The following PSMA5 variants were observed in gnomAD, a reference collection of about 807,000 sequenced individuals.
PSMA5 encodes proteasome subunit alpha type-5.
PSMA5 carries 3 observed loss-of-function variants against 34.5 expected under a neutral mutation model. The observed-to-expected ratio is 0.09, with a 90% CI of 0.04 to 0.22. The LOEUF is 0.22. Ranked by LOEUF, PSMA5 falls within the 10% of genes least tolerant of loss-of-function variation. The pLI, the probability that PSMA5 is intolerant of heterozygous loss-of-function variation, is 1.00. For missense variants in PSMA5, 120 were observed against 286.1 expected (o/e 0.42, Z 4.19); for synonymous variants, 88 against 95.8 (o/e 0.92, Z 0.47).
In PSMA5 at chr1:109,412,852, G is replaced by T. The variant is rs181229271; in HGVS notation, c.291+216C>A. ...AAGCCAAAAAAAAAAGGAAGACACT[G>T]TCAGCACTACTGACCAGAGCCTCTT... On this transcript the variant is annotated intron_variant, in intron 4 of 8. Coordinates refer to ENST00000271308, the MANE Select transcript of PSMA5 (RefSeq NM_002790.4). 4.5e-5 allele frequency: 20 copies of T among 445,290 alleles called. No homozygotes were observed. In the East Asian group the frequency reaches 7.2e-4, roughly 16 times the overall value. The allele number at this position is 445,290 out of a possible 1,614,324, so 27.6% of individuals were successfully genotyped here.
chr1:109,424,859 C>T (rs1043483476), intron 1 of PSMA5, among the ~76,000 whole-genome samples: 14 of 152,292 alleles, frequency 9.2e-5, no homozygotes, highest in African/African-American at 2.6e-4. Flanking sequence ...TGGTGGCGCG[C>T]GCCTGTAGTC....
intron 1 of PSMA5, among the ~76,000 whole-genome samples, chr1:109,424,503 C>A (rs1420838849): frequency 1.3e-5 from 2 of 151,862 alleles, no homozygotes; most frequent in African/African-American, 2.4e-5. Context: ...TCAGGCCGAG[C>A]GAGGTGGCTC....
chr1:109,419,236 T>C (rs1654338943), intron 2 of PSMA5, among the ~76,000 whole-genome samples: 1 of 152,038 alleles, frequency 6.6e-6, no homozygotes, highest in Non-Finnish European at 1.5e-5. Flanking sequence ...TCAAAAAAGA[T>C]GACATGGGGC....
intron 1 of PSMA5, 99 bp from the exon 2 acceptor site, chr1:109,422,025 T>C: frequency 1.5e-6 from 1 of 665,124 alleles, no homozygotes. Flanking sequence ...AGCTACAGAA[T>C]ACGCACATTG....
chr1:109,424,270 C>T (rs1654561841), intron 1 of PSMA5, among the ~76,000 whole-genome samples: 4 of 152,106 alleles, frequency 2.6e-5, no homozygotes, highest in Admixed American at 2.0e-4. Flanking sequence ...ATTTCTGACT[C>T]ACACTATAGT....
chr1:109,402,969 T>C (rs1653598311), intron 8 of PSMA5, among the ~76,000 whole-genome samples: 1 of 152,182 alleles, frequency 6.6e-6, no homozygotes, highest in African/African-American at 2.4e-5. Flanking sequence ...CTTCCCAAAG[T>C]GCTAGGATTA....
chr1:109,423,337 G>A (rs1654523499), intron 1 of PSMA5, among the ~76,000 whole-genome samples: 1 of 152,180 alleles, frequency 6.6e-6, no homozygotes, highest in Admixed American at 6.5e-5. Flanking sequence ...TACTTGAGAG[G>A]CTAAGGCATG....
chr1:109,404,998 A>AG (rs1653689266), intron 8 of PSMA5, among the ~76,000 whole-genome samples: 1 of 152,266 alleles, frequency 6.6e-6, no homozygotes, highest in Non-Finnish European at 1.5e-5. Flanking sequence ...AGTCAAAGAC[A>AG]GGAAGGGCAA....
intron 2 of PSMA5, among the ~76,000 whole-genome samples, chr1:109,418,311 G>C (rs1240549066): frequency 6.6e-6 from 1 of 151,936 alleles, no homozygotes; most frequent in Non-Finnish European, 1.5e-5. Context: ...AATCTGACCA[G>C]TTCAAAAGGA....
chr1:109,411,065 T>A lies in PSMA5; in HGVS notation c.507A>T (p.Ala169=). The change falls in exon 7 of 9, where the codon GCA becomes GCT. Residue 169 remains alanine (A), a synonymous_variant. Transcript: ENST00000271308. ...GGGCACCCTCTGAAGCAGAGCCAAT[T>A]GCTCGAGCATCACACTGTACAAAGG... The part of the protein sequence containing the change: ...SGTFVQCDAR[A]IGSASEGAQS... The A allele has an allele frequency of 6.2e-7, 1 of 1,613,774 alleles. No individual in the cohort carries two copies. Among genetic ancestry groups the A allele is most frequent in the Non-Finnish European group, 8.5e-7 (1 of 1,179,860 alleles).
chr1:109,402,716 T>C (rs1653584568), intron 8 of PSMA5, among the ~76,000 whole-genome samples: 1 of 152,250 alleles, frequency 6.6e-6, no homozygotes, highest in Non-Finnish European at 1.5e-5. Flanking sequence ...GTTTTTGGTT[T>C]TGTTTTGAGA....
At chr1:109,425,362 T>C (rs1233211079) in intron 1 of PSMA5, 1 of 152,202 alleles carries the variant, frequency 6.6e-6, no homozygotes, top group Non-Finnish European at 1.5e-5. Flanking sequence ...GATGATTCTC[T>C]TCAATGTTCT....
intron 8 of PSMA5, among the ~76,000 whole-genome samples, chr1:109,408,127 G>A (rs555859261): frequency 1.3e-5 from 2 of 152,008 alleles, no homozygotes; most frequent in Admixed American, 6.5e-5. Flanking sequence ...ATCTTTACTC[G>A]TCATTACTTC....
chr1:109,424,449 T>C (rs2100977283), intron 1 of PSMA5, among the ~76,000 whole-genome samples: 1 of 152,274 alleles, frequency 6.6e-6, no homozygotes, highest in South Asian at 2.1e-4. Context: ...GTGCTGGAAT[T>C]ACAGGCATGA....
intron 6 of PSMA5, 38 bp downstream of exon 6, chr1:109,411,839 T>G: frequency 6.4e-7 from 1 of 1,564,104 alleles, no homozygotes; most frequent in Non-Finnish European, 8.8e-7. Context: ...AATAATTCCC[T>G]GCAAAAGCAT....
chr1:109,421,801 T>C (rs968373724), intron 2 of PSMA5, 59 bp downstream of exon 2: 8 of 1,358,172 alleles, frequency 5.9e-6, no homozygotes, highest in African/African-American at 1.5e-5. Flanking sequence ...CCAAGTGTTC[T>C]GCCAGCAAAA....
At chr1:109,415,933 A>C (rs541611279) in intron 2 of PSMA5, among the ~76,000 whole-genome samples, 7 of 152,290 alleles carry the variant, frequency 4.6e-5, no homozygotes, top group African/African-American at 1.2e-4. Flanking sequence ...ATCACCACCA[A>C]CAACGTAAAA....
At chr1:109,419,725 G>T (rs994475849) in intron 2 of PSMA5, among the ~76,000 whole-genome samples, 1 of 150,788 alleles carries the variant, frequency 6.6e-6, no homozygotes, top group Non-Finnish European at 1.5e-5. Context: ...CTTGAACCTG[G>T]GAGGCAGAGG....
intron 2 of PSMA5, among the ~76,000 whole-genome samples, chr1:109,416,996 G>A (rs1483810781): frequency 6.6e-6 from 1 of 152,134 alleles, no homozygotes; most frequent in Non-Finnish European, 1.5e-5. Context: ...TCCCAGCTAC[G>A]CGGAAGGCTG....
Sources: gnomAD v4.1 joint callset for allele counts (sites outside exome capture counted in the v4.1 genomes callset) on GRCh38, gnomAD v4.1.1 for gene constraint, MANE v1.5 for transcripts, NCBI Gene and HGNC (gene_info 2026-07-23, HGNC 2026-07-21) for gene names.